Variants in JAK1 observed in about 807,000 individuals in gnomAD.
JAK1 encodes the protein tyrosine-protein kinase JAK1.
In JAK1, 16 loss-of-function variants were observed where a neutral mutation model predicts 136.6. That is an observed-to-expected ratio of 0.12 (90% CI 0.08 to 0.18). JAK1 has a LOEUF of 0.18. Among genes scored for constraint, JAK1 ranks in the 10% least tolerant of loss-of-function variants. The pLI, the probability that JAK1 is intolerant of heterozygous loss-of-function variation, is 1.00. For missense variants in JAK1, 859 were observed against 1,450.1 expected (o/e 0.59, Z 6.62); for synonymous variants, 492 against 519.5 (o/e 0.95, Z 0.72).
chr1:64,951,552 C>G (rs1646087305), intron 1 of JAK1, among the ~76,000 whole-genome samples: 1 of 151,584 alleles, frequency 6.6e-6, no homozygotes, highest in South Asian at 2.1e-4. Context: ...CAGAATATGT[C>G]GCTTCAGGCA....
At chr1:64,885,524 C>T (rs1287862271) in intron 2 of JAK1, among the ~76,000 whole-genome samples, 3 of 152,060 alleles carry the variant, frequency 2.0e-5, no homozygotes, top group Non-Finnish European at 2.9e-5. Context: ...GAGGCCAAGG[C>T]GGGCGGATCA....
At chr1:65,054,692 A>C (rs2100870190) in intron 1 of JAK1, among the ~76,000 whole-genome samples, 1 of 152,330 alleles carries the variant, frequency 6.6e-6, no homozygotes, top group East Asian at 1.9e-4. Flanking sequence ...TCACCAGAAA[A>C]GACATAAAGC....
chr1:64,871,623 A>G (rs1288323520), intron 5 of JAK1, among the ~76,000 whole-genome samples: 1 of 152,098 alleles, frequency 6.6e-6, no homozygotes, highest in Non-Finnish European at 1.5e-5. Flanking sequence ...TATCCATCCG[A>G]CATCACCCAA....
intron 1 of JAK1, among the ~76,000 whole-genome samples, chr1:65,056,397 G>A (rs779232357): frequency 6.6e-6 from 1 of 152,190 alleles, no homozygotes; most frequent in Non-Finnish European, 1.5e-5. Context: ...AGAGCAGAGG[G>A]AAGAGACACT....
At chr1:64,925,613 G>A (rs1350533086) in intron 1 of JAK1, among the ~76,000 whole-genome samples, 4 of 152,020 alleles carry the variant, frequency 2.6e-5, no homozygotes, top group Admixed American at 2.0e-4. Context: ...ACAATTAGTC[G>A]GTTCAAACTG....
chr1:64,948,250 T>C (rs1646022420), intron 1 of JAK1, among the ~76,000 whole-genome samples: 1 of 152,232 alleles, frequency 6.6e-6, no homozygotes, highest in Non-Finnish European at 1.5e-5. Context: ...GACTCTCGTA[T>C]GAACCAAGAT....
At chr1:64,949,943 C>T (rs893573614) in intron 1 of JAK1, among the ~76,000 whole-genome samples, 11 of 152,110 alleles carry the variant, frequency 7.2e-5, no homozygotes, top group African/African-American at 2.7e-4. Flanking sequence ...CTAAATACTA[C>T]ATTCAAAAAT....
chr1:64,932,716 T>A (rs543590509), intron 1 of JAK1, among the ~76,000 whole-genome samples: 3 of 152,144 alleles, frequency 2.0e-5, no homozygotes, highest in Admixed American at 2.0e-4. Context: ...TATGGTTTGT[T>A]TTTTTTTATT....
At chr1:64,875,469 A>G (rs1481843103) in intron 4 of JAK1, among the ~76,000 whole-genome samples, 2 of 152,224 alleles carry the variant, frequency 1.3e-5, no homozygotes, top group African/African-American at 4.8e-5. Context: ...CTCACCACTG[A>G]ATCCCAGTGC....
At chr1:64,927,212 C>G (rs1645597802) in intron 1 of JAK1, among the ~76,000 whole-genome samples, 1 of 152,134 alleles carries the variant, frequency 6.6e-6, no homozygotes, top group Admixed American at 6.5e-5. Context: ...TCTCCCGTGT[C>G]CCCTCCCCCC....
intron 1 of JAK1, among the ~76,000 whole-genome samples, chr1:65,056,045 C>T (rs1283366761): frequency 1.3e-5 from 2 of 152,174 alleles, no homozygotes; most frequent in East Asian, 3.8e-4. Context: ...CACTTTTTTC[C>T]ACCTGCTCAA....
upstream of JAK1, among the ~76,000 whole-genome samples, chr1:64,969,150 T>A (rs922585951): frequency 2.0e-5 from 3 of 150,146 alleles, no homozygotes; most frequent in African/African-American, 7.3e-5. Context: ...GACTGGGGAA[T>A]GAGAAAAGTT....
intron 1 of JAK1, among the ~76,000 whole-genome samples, chr1:65,051,912 T>C (rs1191783706): frequency 6.6e-6 from 1 of 152,146 alleles, no homozygotes. Flanking sequence ...CCCGAAACCT[T>C]GTCAGACAGC....
intron 6 of JAK1, 70 bp from the exon 7 acceptor site, chr1:64,867,278 C>T: frequency 8.4e-7 from 1 of 1,189,950 alleles, no homozygotes; most frequent in Non-Finnish European, 1.2e-6. Flanking sequence ...AGAAACAAAT[C>T]TAAGTCCATG....
At chr1:64,924,119 C>T (rs1645542554) in intron 1 of JAK1, among the ~76,000 whole-genome samples, 1 of 152,104 alleles carries the variant, frequency 6.6e-6, no homozygotes, top group African/African-American at 2.4e-5. Context: ...TTCTTGATGA[C>T]ACAAATACAT....
chr1:64,844,276 T>C lies in JAK1; in HGVS notation c.2252-61A>G. On this transcript the variant is annotated intron_variant, in intron 16 of 24. Transcript: ENST00000342505. The surrounding 1 kb of genome is among the most constrained non-coding windows in gnomAD (Gnocchi z 5.7). The stretch of plus-strand genomic sequence containing the variant: ...TGGGATCTCCTAGGGATTCAATTAC[T>C]GTCACTGCAGCCAGAACAGTGAGCC... 1.3e-6 allele frequency: 2 copies of C among 1,594,834 alleles called. No homozygotes were observed. The highest frequency in any genetic ancestry group is 2.2e-5 in the East Asian group (1 of 44,760).
chr1:64,874,205 C>G (rs1328589187), intron 4 of JAK1, among the ~76,000 whole-genome samples: 6 of 152,112 alleles, frequency 3.9e-5, no homozygotes, highest in Non-Finnish European at 7.3e-5. Flanking sequence ...CCTAAAACTA[C>G]AAAAGCCTGT....
chr1:64,838,948 A>T (rs931112050), intron 20 of JAK1, among the ~76,000 whole-genome samples: 1 of 151,696 alleles, frequency 6.6e-6, no homozygotes, highest in Non-Finnish European at 1.5e-5. Flanking sequence ...GATCGAGACC[A>T]TCCTGGCTAA....
chr1:65,007,362 A>C (rs1646811847), intron 2 of JAK1, among the ~76,000 whole-genome samples: 1 of 152,210 alleles, frequency 6.6e-6, no homozygotes, highest in Admixed American at 6.5e-5. Flanking sequence ...CCCATGGATC[A>C]GATAACCACC....
Sources: allele counts gnomAD v4.1 joint callset (sites outside exome capture counted in the v4.1 genomes callset), GRCh38; gene constraint gnomAD v4.1.1; non-coding constraint Gnocchi (gnomAD v3.1); transcripts MANE v1.5; gene names NCBI Gene and HGNC (gene_info 2026-07-23, HGNC 2026-07-21).